The following GRID2 variants were observed in gnomAD, a reference collection of about 807,000 sequenced individuals.
The protein encoded by GRID2 is glutamate receptor ionotropic, delta-2.
A neutral mutation model predicts 114.8 loss-of-function variants in GRID2; 33 were observed. The ratio of observed to expected loss-of-function variants is 0.29; its 90% CI spans 0.22 to 0.38. The LOEUF (loss-of-function observed/expected upper bound fraction) is 0.38. Among genes scored for constraint, GRID2 ranks in the 10% least tolerant of loss-of-function variants. The probability of loss-of-function intolerance (pLI) is 1.00; values close to 1 mark genes in which losing one functional copy is unlikely to be tolerated. For synonymous variants in GRID2, 505 were observed against 449.9 expected (o/e 1.12, Z -1.55); for missense variants, 1,184 against 1,257.7 (o/e 0.94, Z 0.89).
chr4:92,746,492 A>G (rs185978319), intron 2 of GRID2, among the ~76,000 whole-genome samples: 21 of 152,232 alleles, frequency 1.4e-4, no homozygotes, highest in African/African-American at 3.6e-4. Flanking sequence ...AGTATGTATT[A>G]AACTGCTGTC....
chr4:92,528,443 G>A (rs574723477), intron 1 of GRID2, among the ~76,000 whole-genome samples: 1 of 151,494 alleles, frequency 6.6e-6, no homozygotes, highest in African/African-American at 2.4e-5. Context: ...TTCCAAATAA[G>A]AACAATAATG....
At chr4:93,697,031 A>C (rs1165528953) in intron 14 of GRID2, among the ~76,000 whole-genome samples, 29 of 152,204 alleles carry the variant, frequency 1.9e-4, no homozygotes, top group Non-Finnish European at 5.9e-5. Flanking sequence ...TATGCAAAAA[A>C]TACTAAAATT....
At chr4:93,269,343 G>A (rs1409516368) in intron 8 of GRID2, among the ~76,000 whole-genome samples, 1 of 152,132 alleles carries the variant, frequency 6.6e-6, no homozygotes, top group Non-Finnish European at 1.5e-5. Flanking sequence ...GAAAATCACT[G>A]TCCTAATGTG....
chr4:93,114,131 T>A (rs895048186), intron 4 of GRID2, among the ~76,000 whole-genome samples: 10 of 152,022 alleles, frequency 6.6e-5, no homozygotes, highest in Non-Finnish European at 1.5e-4. Context: ...AAGAGGAGAT[T>A]GTAGAATGGA....
chr4:92,664,737 C>T (rs999967983), intron 2 of GRID2, among the ~76,000 whole-genome samples: 2 of 151,122 alleles, frequency 1.3e-5, no homozygotes, highest in South Asian at 4.1e-4. Context: ...TGAATGTTTA[C>T]ATATCTTCAT....
At chr4:92,305,431 G>T (rs918243898) in intron 1 of GRID2, among the ~76,000 whole-genome samples, 1 of 152,188 alleles carries the variant, frequency 6.6e-6, no homozygotes, top group Non-Finnish European at 1.5e-5. Flanking sequence ...GGCCTGGCGC[G>T]GCGGCGAAAC....
At position 92,719,619 on chromosome 4, in the gene GRID2, T is replaced by A. The variant is rs185449589; in HGVS notation, c.244+129333T>A. On this transcript the variant is annotated intron_variant, in intron 2 of 15. Transcript: ENST00000282020. ...GCTACTAAAAGGTAGAAAAATGTGGTTGGATCTATGAACTTGCATGAGCCA... is the reference window on the plus strand; with the variant it reads ...GCTACTAAAAGGTAGAAAAATGTGGATGGATCTATGAACTTGCATGAGCCA... Among the ~76,000 whole-genome samples the A allele has an allele frequency of 1.4e-3, 217 of 152,186 alleles. 3 individuals are homozygous for A. Among genetic ancestry groups the A allele is most frequent in the African/African-American group, 5.0e-3 (209 of 41,538 alleles).
At chr4:93,650,229 A>C (rs1249985478) in intron 14 of GRID2, among the ~76,000 whole-genome samples, 1 of 152,192 alleles carries the variant, frequency 6.6e-6, no homozygotes, top group Admixed American at 6.5e-5. Context: ...ATGTTCCAAA[A>C]TTCACTGGAA....
At chr4:93,631,199 A>G (rs1369200984) in intron 14 of GRID2, among the ~76,000 whole-genome samples, 1 of 151,648 alleles carries the variant, frequency 6.6e-6, no homozygotes, top group African/African-American at 2.4e-5. Flanking sequence ...TGTTTCAAAT[A>G]AACACTTAGG....
At chr4:93,017,200 T>G (rs1284601210) in intron 2 of GRID2, among the ~76,000 whole-genome samples, 1 of 152,208 alleles carries the variant, frequency 6.6e-6, no homozygotes, top group Admixed American at 6.5e-5. Context: ...AGGAATGTTA[T>G]TATACAAATT....
chr4:92,398,387 A>G (rs1730612483), intron 1 of GRID2, among the ~76,000 whole-genome samples: 1 of 151,978 alleles, frequency 6.6e-6, no homozygotes, highest in Non-Finnish European at 1.5e-5. Flanking sequence ...TGCAGCCTTG[A>G]TCTCCTGGGC....
intron 4 of GRID2, among the ~76,000 whole-genome samples, chr4:93,155,997 C>G (rs751230967): frequency 2.6e-5 from 4 of 151,116 alleles, no homozygotes; most frequent in Non-Finnish European, 5.9e-5. Flanking sequence ...CACGAAGAAA[C>G]GATAAATGCT....
chr4:93,208,397 A>G (rs916884351), intron 5 of GRID2, among the ~76,000 whole-genome samples: 4 of 152,066 alleles, frequency 2.6e-5, no homozygotes, highest in Middle Eastern at 6.8e-3. Context: ...TGTTCATAAT[A>G]AAAGTTAAAT....
At chr4:92,706,381 T>C (rs534065255) in intron 2 of GRID2, among the ~76,000 whole-genome samples, 1 of 152,216 alleles carries the variant, frequency 6.6e-6, no homozygotes, top group Non-Finnish European at 1.5e-5. Context: ...TGATGTTTGT[T>C]ATTTTAATAA....
intron 2 of GRID2, among the ~76,000 whole-genome samples, chr4:92,905,845 G>C (rs908684529): frequency 1.3e-5 from 2 of 148,220 alleles, no homozygotes; most frequent in Non-Finnish European, 3.0e-5. Context: ...AGAGATTTAA[G>C]GTAAACTGTG....
intron 14 of GRID2, among the ~76,000 whole-genome samples, chr4:93,764,854 C>A (rs1239641331): frequency 6.6e-6 from 1 of 152,124 alleles, no homozygotes; most frequent in Non-Finnish European, 1.5e-5. Context: ...CCAAACAGAA[C>A]ATTATTGTTC....
intron 8 of GRID2, among the ~76,000 whole-genome samples, chr4:93,390,465 T>C (rs1054850376): frequency 6.6e-6 from 1 of 152,164 alleles, no homozygotes; most frequent in Admixed American, 6.5e-5. Flanking sequence ...AATCAGTTAG[T>C]GGTCCCAAAA....
At chr4:92,473,478 A>C (rs1452900945) in intron 1 of GRID2, among the ~76,000 whole-genome samples, 1 of 152,078 alleles carries the variant, frequency 6.6e-6, no homozygotes, top group East Asian at 1.9e-4. Context: ...GAATAGTGGA[A>C]ATTCTTGACT....
chr4:92,995,028 C>T (rs1755114812), intron 2 of GRID2, among the ~76,000 whole-genome samples: 1 of 152,180 alleles, frequency 6.6e-6, no homozygotes, highest in African/African-American at 2.4e-5. Context: ...ACAGCCAACA[C>T]ACAACTGTCC....
Sources: allele counts gnomAD v4.1 joint callset (sites outside exome capture counted in the v4.1 genomes callset), GRCh38; gene constraint gnomAD v4.1.1; transcripts MANE v1.5; gene names NCBI Gene and HGNC (gene_info 2026-07-23, HGNC 2026-07-21).